CGNL1: variants seen among roughly 807,000 people sequenced by gnomAD.
CGNL1 encodes the protein cingulin like 1, also known as cingulin-like protein 1.
CGNL1 carries 132 observed loss-of-function variants against 141.2 expected under a neutral mutation model. The ratio of observed to expected loss-of-function variants is 0.93; its 90% CI spans 0.81 to 1.08. CGNL1 has a LOEUF of 1.08. Ranked by LOEUF, CGNL1 falls within the 50% of genes least tolerant of loss-of-function variation. CGNL1 has a pLI of 0.00. For synonymous variants in CGNL1, 690 were observed against 622.1 expected (o/e 1.11, Z -1.63); for missense variants, 1,870 against 1,588.6 (o/e 1.18, Z -3.01).
intron 8 of CGNL1, among the ~76,000 whole-genome samples, chr15:57,487,063 G>A (rs2063794789): frequency 6.6e-6 from 1 of 152,142 alleles, no homozygotes; most frequent in Non-Finnish European, 1.5e-5. Flanking sequence ...GCTTCTAAGT[G>A]TACAAACTTA....
In CGNL1 at chr15:57,516,983, C is replaced by T. The variant is rs776250638; in HGVS notation, c.2607C>T (p.Tyr869=). ...AGGCGAAGGAAACGCTGAAGAAGTA[C>T]GAGGTGAGGCTCGCTGGGCCCAGGC... is the stretch of plus-strand genomic sequence containing the variant. ...EAKAKETLKK[Y]EGEIRQLEEA... The change falls in exon 9 of 19, where the codon TAC becomes TAT. Residue 869 remains tyrosine (Y), a synonymous_variant. Transcript: ENST00000281282. 38 of 1,612,220 alleles carry T rather than the reference C, an allele frequency of 2.4e-5. No homozygotes were observed. Among genetic ancestry groups the T allele is most frequent in the South Asian group, 5.5e-5 (5 of 90,874 alleles).
chr15:57,500,315 G>C (rs2064004990), intron 8 of CGNL1, among the ~76,000 whole-genome samples: 1 of 152,218 alleles, frequency 6.6e-6, no homozygotes, highest in African/African-American at 2.4e-5. Context: ...GTTGGGAATG[G>C]TGCTGCCATT....
At chr15:57,393,651 G>A (rs982652859) in intron 1 of CGNL1, among the ~76,000 whole-genome samples, 5 of 150,592 alleles carry the variant, frequency 3.3e-5, no homozygotes, top group Non-Finnish European at 7.4e-5. Context: ...GAGTAGCCCC[G>A]AGTTAAATTT....
chr15:57,460,134 G>A (rs756458942), intron 7 of CGNL1, among the ~76,000 whole-genome samples: 32 of 152,152 alleles, frequency 2.1e-4, no homozygotes, highest in Non-Finnish European at 4.0e-4. Flanking sequence ...CAGCCTGAGG[G>A]AAGAAAACAG....
intron 8 of CGNL1, among the ~76,000 whole-genome samples, chr15:57,482,440 C>T (rs1187271769): frequency 6.6e-6 from 1 of 152,182 alleles, no homozygotes; most frequent in Non-Finnish European, 1.5e-5. Context: ...TTTAAGCTCA[C>T]AGTCCATTTT....
intron 8 of CGNL1, among the ~76,000 whole-genome samples, chr15:57,507,330 G>T (rs1170067556): frequency 6.6e-6 from 1 of 152,176 alleles, no homozygotes; most frequent in Admixed American, 6.5e-5. Flanking sequence ...AATGCATTCT[G>T]TGAGCAAATA....
chr15:57,505,051 C>G (rs1238365675), intron 8 of CGNL1, among the ~76,000 whole-genome samples: 1 of 152,134 alleles, frequency 6.6e-6, no homozygotes, highest in Non-Finnish European at 1.5e-5. Context: ...ATTTTATTCT[C>G]CATCAGAAAA....
chr15:57,421,151 A>G lies in CGNL1; in HGVS notation c.-15-16834A>G, dbSNP rs1479822461. 1.3e-5 allele frequency among the ~76,000 whole-genome samples: 2 copies of G among 152,210 alleles called. 1 individual carries two copies. ...TCTTACCAAGGAAAGGCCGTGTGAG[A>G]ACATAGCAAGAAGACAGCTACCTGC... On this transcript the variant is annotated intron_variant, in intron 1 of 18. Coordinates refer to ENST00000281282, the MANE Select transcript of CGNL1 (RefSeq NM_032866.5).
At chr15:57,451,465 C>A in intron 4 of CGNL1, 35 bp from the exon 5 acceptor site, 1 of 1,436,956 alleles carries the variant, frequency 7.0e-7, no homozygotes, top group Non-Finnish European at 9.7e-7. Context: ...GCACCCTGAA[C>A]ATTTAAATTA....
intron 1 of CGNL1, among the ~76,000 whole-genome samples, chr15:57,383,473 T>G (rs1358734698): frequency 6.6e-6 from 1 of 151,908 alleles, no homozygotes; most frequent in Non-Finnish European, 1.5e-5. Flanking sequence ...TAATTTTTTG[T>G]ATTTTTAGTA....
In CGNL1 at chr15:57,480,180, C is replaced by T. The variant is rs146552959; in HGVS notation, c.2403+18288C>T. Among the ~76,000 whole-genome samples, 167 of 144,210 alleles carry T rather than the reference C, an allele frequency of 1.2e-3. 1 individual carries two copies. Among genetic ancestry groups the T allele is most frequent in the African/African-American group, 4.5e-3 (163 of 36,340 alleles). 94.6% of individuals were successfully genotyped at this position (144,210 alleles called of 152,430 possible). ...TCACCTGAGATGGGTAATTTTTATA[C>T]CTCTTATTTCTAGGGTCTCTCTATC... On this transcript the variant is annotated intron_variant, in intron 8 of 18. Coordinates refer to ENST00000281282, the MANE Select transcript of CGNL1 (RefSeq NM_032866.5).
At chr15:57,535,446 G>A (rs1666568) in intron 14 of CGNL1, among the ~76,000 whole-genome samples, 110,974 of 152,096 alleles carry the variant, frequency 0.73, 40,517 homozygotes, top group Admixed American at 0.76. Flanking sequence ...AAGAATTACT[G>A]GAAAGAGGGT....
At chr15:57,407,198 T>TTC (rs1361588670) in intron 1 of CGNL1, 1 of 152,258 alleles carries the variant, frequency 6.6e-6, no homozygotes, top group Non-Finnish European at 1.5e-5. Context: ...AAGAGGTCTC[T>TTC]TGGCTGACTT....
chr15:57,465,340 CA>C (rs1485044001), intron 8 of CGNL1, among the ~76,000 whole-genome samples: 1 of 151,148 alleles, frequency 6.6e-6, no homozygotes, highest in African/African-American at 2.4e-5. Flanking sequence ...TTTCCTGCCC[CA>C]GGGGGAGAAC....
chr15:57,537,591 G>A (rs74016270), intron 14 of CGNL1, among the ~76,000 whole-genome samples: 13,257 of 152,076 alleles, frequency 0.087, 850 homozygotes, highest in African/African-American at 0.18. Flanking sequence ...TGGGCTTGCC[G>A]ACCTCTTTAC....
chr15:57,476,269 G>A (rs1403612632), intron 8 of CGNL1, among the ~76,000 whole-genome samples: 12 of 152,136 alleles, frequency 7.9e-5, no homozygotes, highest in African/African-American at 2.9e-4. Flanking sequence ...GGGGCAGTGG[G>A]AATTAGCAAG....
rs553438905 is a variant in CGNL1, at chr15:57,536,349, T to C, written c.3291+4570T>C. On this transcript the variant is annotated intron_variant, in intron 14 of 18. Transcript: ENST00000281282. Reference sequence around the variant, plus strand: ...ACCATATCACAGCCTTTCTAAGGGCTTCCTTTACATGCTCAGGACAATATT... The same window carrying C: ...ACCATATCACAGCCTTTCTAAGGGCCTCCTTTACATGCTCAGGACAATATT... Among the ~76,000 whole-genome samples, 15 of 152,346 alleles carry C rather than the reference T, an allele frequency of 9.8e-5. No individual in the cohort carries two copies. In the East Asian group the frequency reaches 2.7e-3, roughly 27 times the overall value.
chr15:57,428,760 C>T (rs1300730955), intron 1 of CGNL1, among the ~76,000 whole-genome samples: 2 of 152,188 alleles, frequency 1.3e-5, no homozygotes, highest in Admixed American at 6.5e-5. Context: ...CGTAGTGGCT[C>T]ATGCCTGTAT....
chr15:57,404,860 T>G (rs1275113470), intron 1 of CGNL1, among the ~76,000 whole-genome samples: 1 of 152,144 alleles, frequency 6.6e-6, no homozygotes, highest in Non-Finnish European at 1.5e-5. Context: ...ATTAAAAGGG[T>G]TAGGAGTCCT....
Sources: allele counts gnomAD v4.1 joint callset (sites outside exome capture counted in the v4.1 genomes callset), GRCh38; gene constraint gnomAD v4.1.1; transcripts MANE v1.5; gene names NCBI Gene and HGNC (gene_info 2026-07-23, HGNC 2026-07-21).